The following RIPOR2 variants were observed in gnomAD, a reference collection of about 807,000 sequenced individuals.
RIPOR2 encodes rho family-interacting cell polarization regulator 2.
A neutral mutation model predicts 114.5 loss-of-function variants in RIPOR2; 39 were observed. That is an observed-to-expected ratio of 0.34 (90% CI 0.26 to 0.44). The LOEUF is 0.44. Among genes scored for constraint, RIPOR2 ranks in the 20% least tolerant of loss-of-function variants. The pLI, the probability that RIPOR2 is intolerant of heterozygous loss-of-function variation, is 1.00. For synonymous variants in RIPOR2, 445 were observed against 484.4 expected, an observed-to-expected ratio of 0.92 and a Z score of 1.07; for missense variants, 1,007 against 1,255.1, an observed-to-expected ratio of 0.80 and a Z score of 2.99.
intron 1 of RIPOR2, among the ~76,000 whole-genome samples, chr6:25,025,253 A>T (rs546192392): frequency 1.3e-5 from 2 of 151,444 alleles, no homozygotes; most frequent in Non-Finnish European, 2.9e-5. Context: ...TCAAGGGGGG[A>T]AAAAGGTAAT....
Position 24,879,280 on chromosome 6 carries a change from C to T in RIPOR2, c.62-3463G>A, listed in dbSNP as rs373366611. On this transcript the variant is annotated intron_variant, in intron 1 of 21. Coordinates refer to ENST00000643898, the MANE Select transcript of RIPOR2 (RefSeq NM_001286445.3). ...AGAATCGCTTGAACCTGGGAGGTGGCGGCTGCCGTGAGAGGAGATCGCGCC... is the reference window on the plus strand; with the variant it reads ...AGAATCGCTTGAACCTGGGAGGTGGTGGCTGCCGTGAGAGGAGATCGCGCC... Among the ~76,000 whole-genome samples the T allele has an allele frequency of 6.6e-5, 10 of 152,050 alleles. No individual in the cohort carries two copies. The East Asian group carries it at 7.7e-4, about 12-fold the overall frequency.
chr6:24,937,313 A>T (rs145320857), upstream of RIPOR2, among the ~76,000 whole-genome samples: 1 of 152,038 alleles, frequency 6.6e-6, no homozygotes, highest in Non-Finnish European at 1.5e-5. Flanking sequence ...ATGTCTTAGC[A>T]CTCAGGGGCC....
intron 14 of RIPOR2, among the ~76,000 whole-genome samples, chr6:24,836,240 T>C (rs553586492): frequency 4.6e-5 from 7 of 152,244 alleles, no homozygotes; most frequent in Non-Finnish European, 8.8e-5. Context: ...TTGTCCTCTA[T>C]ATTTGTGGTT....
In RIPOR2 at chr6:25,022,531, C is replaced by CTTTTTTTTTTTTTTTTTTTTT. The variant is rs1561848668; in HGVS notation, c.76+19319_76+19320insAAAAAAAAAAAAAAAAAAAAA. 2.0e-3 allele frequency among the ~76,000 whole-genome samples: 130 copies of CTTTTTTTTTTTTTTTTTTTTT among 64,490 alleles called. 14 individuals carry two copies. The highest frequency in any genetic ancestry group is 3.7e-3 in the Non-Finnish European group (107 of 28,994). The allele number at this position is 64,490 out of a possible 152,430, so 42.3% of individuals were successfully genotyped here. A position where few individuals can be genotyped will look rare whatever the true frequency, so the allele number is the denominator to read the frequency against. The stretch of plus-strand genomic sequence containing the variant: ...CACATATAACTAATGTGGTACCTTC[C>CTTTTTTTTTTTTTTTTTTTTT]ATTTTTTTTTTTTTTTTTTTTTTTT... On this transcript the variant is annotated intron_variant, in intron 1 of 13. Transcript: ENST00000510784.
At chr6:24,959,596 T>C (rs1773210557) in intron 1 of RIPOR2, among the ~76,000 whole-genome samples, 1 of 152,224 alleles carries the variant, frequency 6.6e-6, no homozygotes, top group South Asian at 2.1e-4. Context: ...TGATTTTATA[T>C]TTCCACATGG....
At chr6:24,957,229 T>G (rs1480328250) in intron 1 of RIPOR2, among the ~76,000 whole-genome samples, 1 of 152,208 alleles carries the variant, frequency 6.6e-6, no homozygotes, top group East Asian at 1.9e-4. Flanking sequence ...TAACGACTCT[T>G]TTTAAGAAAC....
intron 1 of RIPOR2, among the ~76,000 whole-genome samples, chr6:25,033,110 A>G (rs114247672): frequency 0.013 from 1,986 of 152,254 alleles, 30 homozygotes; most frequent in East Asian, 0.043. Context: ...AGGCTGAGGT[A>G]GGAAGACGGC....
upstream of RIPOR2, chr6:25,042,160 T>A (rs2113786950): frequency 2.2e-6 from 1 of 451,930 alleles, no homozygotes; most frequent in Non-Finnish European, 3.9e-6. Flanking sequence ...CGAAGGCAGC[T>A]GCTGTGCTGG....
chr6:25,023,442 C>T, intron 1 of RIPOR2: 4 of 765,732 alleles, frequency 5.2e-6, no homozygotes, highest in Non-Finnish European at 9.6e-6. Flanking sequence ...AGGACGGACA[C>T]CTGCGCTTTC....
At chr6:24,947,454 A>G (rs998782475) in intron 1 of RIPOR2, among the ~76,000 whole-genome samples, 3 of 152,222 alleles carry the variant, frequency 2.0e-5, no homozygotes, top group Admixed American at 6.5e-5. Context: ...TCTGAAATGT[A>G]TTAATAAATT....
chr6:24,827,693 C>T (rs1292145360), intron 18 of RIPOR2, among the ~76,000 whole-genome samples: 2 of 152,196 alleles, frequency 1.3e-5, no homozygotes, highest in Non-Finnish European at 2.9e-5. Flanking sequence ...ACATGGAGCC[C>T]TGGAGTTAGT....
rs1040838071 is a variant in RIPOR2, at chr6:24,836,836, T to A, written c.2040-965A>T. Among the ~76,000 whole-genome samples, 15 of 151,760 alleles carry A rather than the reference T, an allele frequency of 9.9e-5. No individual in the cohort carries two copies. In the East Asian group the frequency reaches 1.5e-3, roughly 16 times the overall value. ...CACACACACACACACACACACTCTCTCTCTCTCTCTGTCTCTCTCTCTTCC... is the reference window on the plus strand; with the variant it reads ...CACACACACACACACACACACTCTCACTCTCTCTCTGTCTCTCTCTCTTCC... On this transcript the variant is annotated intron_variant, in intron 14 of 21. Coordinates refer to ENST00000643898, the MANE Select transcript of RIPOR2 (RefSeq NM_001286445.3).
At chr6:24,870,778 T>C (rs1183168197) in intron 5 of RIPOR2, 88 bp downstream of exon 5, 2 of 948,696 alleles carry the variant, frequency 2.1e-6, no homozygotes, top group Admixed American at 2.3e-5. Flanking sequence ...CCTCCCAAAG[T>C]GCTGGGATGA....
At chr6:24,922,543 T>C (rs553682410) in intron 1 of RIPOR2, among the ~76,000 whole-genome samples, 4 of 152,102 alleles carry the variant, frequency 2.6e-5, no homozygotes, top group Non-Finnish European at 4.4e-5. Flanking sequence ...TTTGTACCCA[T>C]TCTGAACTCT....
chr6:25,039,823 C>T (rs1486927670), intron 1 of RIPOR2, among the ~76,000 whole-genome samples: 2 of 152,172 alleles, frequency 1.3e-5, no homozygotes, highest in African/African-American at 4.8e-5. Flanking sequence ...GTAAAAGAAA[C>T]ATGATCAAGA....
chr6:24,833,790 C>T (rs144337985), intron 15 of RIPOR2, among the ~76,000 whole-genome samples: 144 of 152,240 alleles, frequency 9.5e-4, no homozygotes, highest in South Asian at 3.9e-3. Flanking sequence ...TGTACCATTG[C>T]TCATCCCCAC....
At chr6:24,985,923 G>A (rs947156903) in intron 1 of RIPOR2, among the ~76,000 whole-genome samples, 14 of 152,214 alleles carry the variant, frequency 9.2e-5, no homozygotes, top group African/African-American at 3.1e-4. Flanking sequence ...ACTGAAAACA[G>A]GGTGAAATAT....
At chr6:24,906,877 G>A (rs1036282150) in intron 1 of RIPOR2, among the ~76,000 whole-genome samples, 4 of 152,004 alleles carry the variant, frequency 2.6e-5, no homozygotes, top group South Asian at 4.2e-4. Context: ...GGGTTCAAGC[G>A]ATCTTCCCAC....
At chr6:24,820,923 A>T (rs1232294951) in intron 19 of RIPOR2, among the ~76,000 whole-genome samples, 1 of 121,802 alleles carries the variant, frequency 8.2e-6, no homozygotes, top group Non-Finnish European at 1.6e-5. Flanking sequence ...CCCAGGCTGG[A>T]GTACAGTGGC....
Sources: gnomAD v4.1 joint callset for allele counts (sites outside exome capture counted in the v4.1 genomes callset) on GRCh38, gnomAD v4.1.1 for gene constraint, MANE v1.5 for transcripts, NCBI Gene and HGNC (gene_info 2026-07-23, HGNC 2026-07-21) for gene names.